EDC3: variants seen among roughly 807,000 people sequenced by gnomAD.
EDC3 encodes enhancer of mRNA decapping 3.
In EDC3, 20 loss-of-function variants were observed where a neutral mutation model predicts 41.8. The ratio of observed to expected loss-of-function variants is 0.48; its 90% CI spans 0.34 to 0.70. The LOEUF (loss-of-function observed/expected upper bound fraction) is 0.70, where lower values mean the gene tolerates loss of function less well. EDC3 is among the 30% of genes least tolerant of loss of function. The pLI, the probability that EDC3 is intolerant of heterozygous loss-of-function variation, is 0.01. For synonymous variants in EDC3, 206 were observed against 243.2 expected (o/e 0.85, Z 1.42); for missense variants, 444 against 636.8 (o/e 0.70, Z 3.26).
At chr15:74,664,554 G>A (rs2062657124) in intron 3 of EDC3, among the ~76,000 whole-genome samples, 2 of 152,238 alleles carry the variant, frequency 1.3e-5, no homozygotes, top group Admixed American at 1.3e-4. Context: ...CACACTGTAA[G>A]TGGGAACTTT....
At chr15:74,684,799 C>A (rs1332066692) in intron 1 of EDC3, among the ~76,000 whole-genome samples, 1 of 152,036 alleles carries the variant, frequency 6.6e-6, no homozygotes, top group Admixed American at 6.6e-5. Flanking sequence ...AAAACAACAA[C>A]AGCAGCAAAC....
At chr15:74,635,322 C>T in intron 6 of EDC3, 87 bp downstream of exon 6, 2 of 1,302,860 alleles carry the variant, frequency 1.5e-6, no homozygotes, top group Non-Finnish European at 2.2e-6. Flanking sequence ...AGTGCCTTTC[C>T]ACCTGTCGCC....
intron 3 of EDC3, among the ~76,000 whole-genome samples, chr15:74,660,640 G>A (rs1055091068): frequency 2.0e-5 from 3 of 151,950 alleles, no homozygotes; most frequent in African/African-American, 7.3e-5. Flanking sequence ...GATTATCAAC[G>A]TACTGCCTCA....
chr15:74,644,786 C>CT (rs2062394192), intron 4 of EDC3: 1 of 152,022 alleles, frequency 6.6e-6, no homozygotes, highest in South Asian at 2.1e-4. Flanking sequence ...AAGCTTTGAA[C>CT]TTTAAGAGGC....
intron 1 of EDC3, among the ~76,000 whole-genome samples, chr15:74,694,644 G>A (rs2063045091): frequency 6.6e-6 from 1 of 152,204 alleles, no homozygotes; most frequent in Non-Finnish European, 1.5e-5. Flanking sequence ...CCTATTAGGG[G>A]TCAGACTCAA....
At chr15:74,652,613 ACT>A (rs1596310529) in intron 4 of EDC3, among the ~76,000 whole-genome samples, 1 of 139,080 alleles carries the variant, frequency 7.2e-6, no homozygotes, top group East Asian at 2.2e-4. Flanking sequence ...ACAGGGTCTG[ACT>A]CTGTCACCCA....
intron 4 of EDC3, chr15:74,644,517 G>A (rs888469284): frequency 1.3e-5 from 2 of 152,106 alleles, no homozygotes; most frequent in African/African-American, 4.8e-5. Flanking sequence ...GTCAGGGTGT[G>A]GGGGAGGGAT....
intron 3 of EDC3, among the ~76,000 whole-genome samples, chr15:74,665,359 G>C (rs937444071): frequency 3.3e-5 from 5 of 152,158 alleles, no homozygotes. Context: ...ACAGGCAAAA[G>C]AGCCTTAACT....
chr15:74,683,407 C>T (rs1218731361), intron 1 of EDC3, among the ~76,000 whole-genome samples: 7 of 151,498 alleles, frequency 4.6e-5, no homozygotes, highest in African/African-American at 1.5e-4. Flanking sequence ...TGGTGGCAAG[C>T]GCCTATAGTC....
chr15:74,675,880 CAA>C (rs57596845), intron 1 of EDC3, among the ~76,000 whole-genome samples: 46 of 116,586 alleles, frequency 3.9e-4, no homozygotes, highest in Admixed American at 6.7e-4. Context: ...GACTCTGCCT[CAA>C]AAAAAAAAAA....
chr15:74,655,603 C>T (rs1161518115), intron 4 of EDC3, 130 bp downstream of exon 4: 13 of 895,414 alleles, frequency 1.5e-5, no homozygotes, highest in African/African-American at 6.8e-5. Flanking sequence ...ACAATAATAC[C>T]GGGCCAGCCA....
At chr15:74,663,765 T>C (rs891507305) in intron 3 of EDC3, among the ~76,000 whole-genome samples, 17 of 150,016 alleles carry the variant, frequency 1.1e-4, no homozygotes, top group East Asian at 1.9e-4. Flanking sequence ...TGAGGAGCTA[T>C]TGAAATGCAA....
At chr15:74,663,012 G>A (rs1208613544) in intron 3 of EDC3, among the ~76,000 whole-genome samples, 4 of 152,192 alleles carry the variant, frequency 2.6e-5, no homozygotes, top group Admixed American at 6.5e-5. Flanking sequence ...CTGGCCTGGC[G>A]CAGTGGCTCA....
chr15:74,644,706 C>G (rs1350275247), intron 4 of EDC3: 1 of 151,864 alleles, frequency 6.6e-6, no homozygotes, highest in Non-Finnish European at 1.5e-5. Flanking sequence ...CTTCCCTTCC[C>G]CACTTACAAC....
At chr15:74,684,478 CAAAAAAAAAA>C (rs1043252193) in intron 1 of EDC3, among the ~76,000 whole-genome samples, 1 of 60,954 alleles carries the variant, frequency 1.6e-5, no homozygotes, top group Non-Finnish European at 3.5e-5. Flanking sequence ...GACTTTGTCT[CAAAAAAAAAA>C]AAAAAAAAAA....
rs545599764 is a variant in EDC3, at chr15:74,646,142, G to A, written c.821-5523C>T. Among the ~76,000 whole-genome samples the A allele has an allele frequency of 2.7e-5, 4 of 148,468 alleles. No individual in the cohort carries two copies. In the South Asian group the frequency reaches 8.5e-4, roughly 32 times the overall value. ...GGCTGGAGTGCAATGGTATGATCTCGGCTCACTGCAACCTCCGCCTCCCGG... is the reference window on the plus strand; with the variant it reads ...GGCTGGAGTGCAATGGTATGATCTCAGCTCACTGCAACCTCCGCCTCCCGG... On this transcript the variant is annotated intron_variant, in intron 4 of 6. Transcript: ENST00000315127.
chr15:74,645,340 C>G (rs903284178), intron 4 of EDC3: 4 of 152,156 alleles, frequency 2.6e-5, no homozygotes, highest in East Asian at 1.9e-4. Flanking sequence ...ATATATATCA[C>G]ACTGAATTTA....
chr15:74,694,304 T>C (rs1355555110), intron 1 of EDC3, among the ~76,000 whole-genome samples: 1 of 151,954 alleles, frequency 6.6e-6, no homozygotes, highest in Non-Finnish European at 1.5e-5. Flanking sequence ...CCTAGTCTAA[T>C]ATTTTTCTTT....
chr15:74,661,891 C>T (rs1207284416), intron 3 of EDC3, among the ~76,000 whole-genome samples: 1 of 151,688 alleles, frequency 6.6e-6, no homozygotes, highest in Admixed American at 6.6e-5. Context: ...GATGTTCATA[C>T]CAAATATGCA....
Sources: allele counts gnomAD v4.1 joint callset (sites outside exome capture counted in the v4.1 genomes callset), GRCh38; gene constraint gnomAD v4.1.1; transcripts MANE v1.5; gene names NCBI Gene and HGNC (gene_info 2026-07-23, HGNC 2026-07-21).